Variants in EPG5 observed in about 807,000 individuals in gnomAD.
EPG5 encodes ectopic P granules protein 5 homolog.
A neutral mutation model predicts 302.7 loss-of-function variants in EPG5; 159 were observed. That is an observed-to-expected ratio of 0.53 (90% CI 0.46 to 0.60). EPG5 has a LOEUF of 0.60. Among genes scored for constraint, EPG5 ranks in the 20% least tolerant of loss-of-function variants. EPG5 has a pLI of 0.00. For missense variants in EPG5, 2,896 were observed against 3,092.4 expected (o/e 0.94, Z 1.51); for synonymous variants, 1,158 against 1,136.8 (o/e 1.02, Z -0.37).
intron 39 of EPG5, among the ~76,000 whole-genome samples, chr18:45,864,854 T>C (rs753766573): frequency 6.6e-5 from 10 of 152,364 alleles, no homozygotes; most frequent in Admixed American, 5.2e-4. Flanking sequence ...TTTTCCTGCA[T>C]AAACATTTAA....
rs756036509 is a variant in EPG5, at chr18:45,882,498, A to G, written c.5305-11T>C. On this transcript the variant is annotated splice_polypyrimidine_tract_variant and intron_variant, in intron 30 of 43. Coordinates refer to ENST00000282041, the MANE Select transcript of EPG5 (RefSeq NM_020964.3). ...TTGTTTAAGATCGAACTAAAAAGAA[A>G]AAGAAACAAAAAGCCGTTTTATTTG... 34 of 1,595,480 alleles carry G rather than the reference A, an allele frequency of 2.1e-5. No homozygotes were observed. Among genetic ancestry groups the G allele is most frequent in the Middle Eastern group, 1.7e-4 (1 of 5,976 alleles).
the EPG5 span, among the ~76,000 whole-genome samples, chr18:45,824,165 G>A: frequency 2.0e-5 from 3 of 152,298 alleles, no homozygotes; most frequent in South Asian, 6.2e-4. Context: ...TCTGGGCTGG[G>A]TCCTGAACCT....
rs2050995050 is a variant in EPG5, at chr18:45,955,028, C to A, written c.374G>T (p.Gly125Val). The change falls in exon 2 of 44, where the codon GGA (glycine) becomes GTA (valine). Residue 125 changes from glycine (G) to valine (V), a missense_variant. By Grantham distance (109) the Gly-to-Val change is moderately radical. Around this residue, in one of 5 missense-constraint regions of EPG5, gnomAD observed 1,390 missense variants for 1,430.0 expected, o/e 0.97. Coordinates refer to ENST00000282041, the MANE Select transcript of EPG5 (RefSeq NM_020964.3). ...TTCTACTTTAGTTCCAACATTGTCT[C>A]CAGGGTGGACCTTTGGAGTGACTGC... The part of the protein sequence containing the change: ...DSAVTPKVHP[G>V]DNVGTKVETP... 6.2e-7 allele frequency: 1 copy of A among 1,614,214 alleles called. No individual in the cohort carries two copies. The highest frequency in any genetic ancestry group is 1.3e-5 in the African/African-American group (1 of 75,046).
chr18:45,875,866 G>A (rs938231783), intron 35 of EPG5, among the ~76,000 whole-genome samples: 2 of 152,010 alleles, frequency 1.3e-5, no homozygotes, highest in African/African-American at 2.4e-5. Context: ...ACCAGCCTGG[G>A]CAACATGGTG....
chr18:45,967,319 G>T lies in EPG5; in HGVS notation c.-80C>A. On this transcript the variant is annotated 5_prime_UTR_variant, in exon 1 of 44. Coordinates refer to ENST00000282041, the MANE Select transcript of EPG5 (RefSeq NM_020964.3). ...GCAACCTGCCCGGTTCTGGCCTCCG[G>T]ACTGTCACATGATCGAATCTCCGCC... 7.4e-7 allele frequency: 1 copy of T among 1,351,610 alleles called. No individual in the cohort carries two copies. Among genetic ancestry groups the T allele is most frequent in the South Asian group, 1.5e-5 (1 of 68,386 alleles). 83.7% of individuals were successfully genotyped at this position (1,351,610 alleles called of 1,614,324 possible).
At chr18:45,855,713 G>T in intron 42 of EPG5, 26 bp from the exon 43 acceptor site, 1 of 1,443,118 alleles carries the variant, frequency 6.9e-7, no homozygotes, top group Non-Finnish European at 9.8e-7. Flanking sequence ...GAGGTCAGAA[G>T]AAGTAAATGG....
chr18:45,858,121 C>A, intron 41 of EPG5, 53 bp from the exon 42 acceptor site: 1 of 1,323,980 alleles, frequency 7.6e-7, no homozygotes. Context: ...TTCCCACTCC[C>A]ATTTAACTGC....
intron 27 of EPG5, among the ~76,000 whole-genome samples, chr18:45,895,428 A>C (rs1034964714): frequency 2.0e-5 from 3 of 148,804 alleles, no homozygotes; most frequent in African/African-American, 7.5e-5. Context: ...GATCTATTGG[A>C]GTTATACACT....
the EPG5 span, among the ~76,000 whole-genome samples, chr18:45,839,687 T>C: frequency 1.8e-4 from 27 of 152,048 alleles, no homozygotes; most frequent in East Asian, 3.1e-3. Context: ...AATATGTAAG[T>C]AGGCATGAGC....
intron 25 of EPG5, 25 bp from the exon 26 acceptor site, chr18:45,901,192 A>G (rs770919698): frequency 5.6e-6 from 9 of 1,602,166 alleles, no homozygotes; most frequent in Non-Finnish European, 7.7e-6. Context: ...AGTCATATAT[A>G]CTGAGCAATC....
intron 23 of EPG5, 92 bp downstream of exon 23, chr18:45,910,429 A>G (rs534660223): frequency 4.0e-5 from 37 of 922,312 alleles, no homozygotes; most frequent in East Asian, 2.2e-4. Flanking sequence ...TGTTAAGAGA[A>G]TAACATCTAG....
Position 45,922,350 on chromosome 18 carries a change from A to G in EPG5, c.3089T>C (p.Val1030Ala), listed in dbSNP as rs1164926126. Residue 1030 changes from valine (V) to alanine (A), a missense_variant, in exon 16 of 44, where the codon GTG becomes GCG. Coordinates refer to ENST00000282041, the MANE Select transcript of EPG5 (RefSeq NM_020964.3). ...GCYLALSMTA[V>A]GHSIEKFCAE... ...CAGCCCAACACTGTACCTGTGGCCCACAGCTGTCATAGATAAGGCTAGATA... is the reference window on the plus strand; with the variant it reads ...CAGCCCAACACTGTACCTGTGGCCCGCAGCTGTCATAGATAAGGCTAGATA... The G allele has an allele frequency of 1.9e-6, 3 of 1,614,236 alleles. No individual in the cohort carries two copies. The South Asian group carries it at 3.3e-5, about 18-fold the overall frequency.
At chr18:45,812,614 G>T in the EPG5 span, among the ~76,000 whole-genome samples, 1 of 152,012 alleles carries the variant, frequency 6.6e-6, no homozygotes, top group Non-Finnish European at 1.5e-5. Flanking sequence ...AAATAATGTC[G>T]CATATCTACA....
At chr18:45,930,879 A>G in intron 11 of EPG5, 49 bp from the exon 12 acceptor site, 1 of 1,465,666 alleles carries the variant, frequency 6.8e-7, no homozygotes, top group Non-Finnish European at 9.2e-7. Context: ...ATAAATTTAT[A>G]TCTTTTAATC....
intron 1 of EPG5, among the ~76,000 whole-genome samples, chr18:45,958,100 GAACA>G (rs2051069828): frequency 6.6e-6 from 1 of 152,126 alleles, no homozygotes; most frequent in Non-Finnish European, 1.5e-5. Context: ...AGCATAAAAA[GAACA>G]AACTAGGGAT....
At chr18:45,876,940 C>A (rs561665740) in intron 34 of EPG5, among the ~76,000 whole-genome samples, 10 of 152,102 alleles carry the variant, frequency 6.6e-5, no homozygotes, top group Admixed American at 1.3e-4. Context: ...CCGACCACCA[C>A]ATCCAGCTAA....
chr18:45,877,805 T>A (rs1472920471), intron 34 of EPG5, among the ~76,000 whole-genome samples: 1 of 152,232 alleles, frequency 6.6e-6, no homozygotes, highest in Non-Finnish European at 1.5e-5. Context: ...TATAATGTGA[T>A]GTTTACCACT....
chr18:45,830,649 C>A, the EPG5 span, among the ~76,000 whole-genome samples: 3 of 131,492 alleles, frequency 2.3e-5, no homozygotes, highest in Admixed American at 8.8e-5. Context: ...GCAGTGGCAC[C>A]ATCTCAGCTC....
At chr18:45,898,090 T>G (rs1599521793) in intron 27 of EPG5, among the ~76,000 whole-genome samples, 1 of 152,326 alleles carries the variant, frequency 6.6e-6, no homozygotes, top group East Asian at 1.9e-4. Context: ...CCGGGTGCGG[T>G]GGCTCAGGCC....
Sources: allele counts gnomAD v4.1 joint callset (sites outside exome capture counted in the v4.1 genomes callset), GRCh38; gene constraint gnomAD v4.1.1; regional missense constraint gnomAD v4.1.1; transcripts MANE v1.5; gene names NCBI Gene and HGNC (gene_info 2026-07-23, HGNC 2026-07-21).